The following ANO4 variants were observed in gnomAD, a reference collection of about 807,000 sequenced individuals.
ANO4 encodes the protein anoctamin-4.
ANO4 carries 69 observed loss-of-function variants against 141.9 expected under a neutral mutation model. The observed-to-expected ratio is 0.49, with a 90% confidence interval of 0.40 to 0.59. The LOEUF is 0.59. Among genes scored for constraint, ANO4 ranks in the 20% least tolerant of loss-of-function variants. ANO4 has a pLI of 0.00. For synonymous variants in ANO4, 350 were observed against 394.3 expected, an observed-to-expected ratio of 0.89 and a Z score of 1.33; for missense variants, 894 against 1,162.2, an observed-to-expected ratio of 0.77 and a Z score of 3.36.
chr12:100,750,856 G>T (rs569634797), intron 3 of ANO4, among the ~76,000 whole-genome samples: 2 of 152,256 alleles, frequency 1.3e-5, no homozygotes, highest in Non-Finnish European at 2.9e-5. Flanking sequence ...CTTAGTTCTG[G>T]TTCTCTGGGA....
chr12:100,740,386 G>A (rs1258498032), intron 3 of ANO4, among the ~76,000 whole-genome samples: 1 of 151,938 alleles, frequency 6.6e-6, no homozygotes, highest in African/African-American at 2.4e-5. Flanking sequence ...AGCTCTCACT[G>A]GCCTTTAATA....
At chr12:100,749,700 A>C (rs2032282254) in intron 3 of ANO4, among the ~76,000 whole-genome samples, 2 of 152,258 alleles carry the variant, frequency 1.3e-5, no homozygotes, top group African/African-American at 4.8e-5. Context: ...AACTTGAATT[A>C]AAGCTGTGTT....
Position 101,083,801 on chromosome 12 carries a change from T to G in ANO4, c.1519T>G (p.Ser507Ala). 1 of 1,567,150 alleles carries G rather than the reference T, an allele frequency of 6.4e-7. No individual in the cohort carries two copies. ...DKCSRLIVSA[S>A]GIFFMICVVI... ...ATGCAGCAGACTTATCGTTTCTGCA[T>G]CTGGAATATTTTTTATGGTTTGAAA... is the stretch of plus-strand genomic sequence containing the variant. Residue 507 changes from serine (S) to alanine (A), a missense_variant, in exon 16 of 28, where the codon TCT (serine) becomes GCT (alanine). By Grantham distance (99) the Ser-to-Ala change is moderately conservative (BLOSUM62 1). This residue lies in a region of ANO4 where 637 missense variants were observed against 909.2 expected (regional missense o/e 0.70). Transcript: ENST00000392977.
At chr12:101,127,403 C>T (rs527644740) in intron 27 of ANO4, among the ~76,000 whole-genome samples, 6 of 152,152 alleles carry the variant, frequency 3.9e-5, no homozygotes, top group Admixed American at 6.5e-5. Context: ...TTTAATATCC[C>T]CAGGGAAACA....
intron 1 of ANO4, among the ~76,000 whole-genome samples, chr12:100,877,126 A>C (rs1428459761): frequency 1.3e-5 from 2 of 152,088 alleles, no homozygotes; most frequent in East Asian, 1.9e-4. Flanking sequence ...AGGGTAGGGG[A>C]CGGATAAAGG....
chr12:100,970,663 C>CGCCTGCCTGCCT (rs372004015), intron 5 of ANO4, among the ~76,000 whole-genome samples: 4 of 91,752 alleles, frequency 4.4e-5, no homozygotes, highest in South Asian at 8.8e-4. Context: ...CTCCCTCCCT[C>CGCCTGCCTGCCT]TCCTTCCTTC....
chr12:100,843,226 A>G (rs955382945), intron 1 of ANO4, among the ~76,000 whole-genome samples: 2 of 152,192 alleles, frequency 1.3e-5, no homozygotes, highest in African/African-American at 4.8e-5. Context: ...GTATATTTTT[A>G]GTCCTCAATA....
At chr12:100,719,461 G>T (rs531801096) in intron 1 of ANO4, among the ~76,000 whole-genome samples, 6 of 152,234 alleles carry the variant, frequency 3.9e-5, no homozygotes, top group African/African-American at 1.2e-4. Context: ...GGAACCCTCC[G>T]CAAATCTTCT....
rs140958297 is a variant in ANO4, at chr12:100,976,848, A to G, written c.602+1959A>G. ...CTTTGAGGGCTAAGTGGAAATATCA[A>G]GTTTGTACATGATACTGTTTCAGTA... On this transcript the variant is annotated intron_variant, in intron 7 of 27. Transcript: ENST00000392977. Among the ~76,000 whole-genome samples, 10 of 152,338 alleles carry G rather than the reference A, an allele frequency of 6.6e-5. No individual in the cohort carries two copies. In the East Asian group the frequency reaches 1.9e-3, roughly 29 times the overall value.
intron 26 of ANO4, among the ~76,000 whole-genome samples, chr12:101,122,042 C>T (rs1168727435): frequency 3.9e-5 from 6 of 152,126 alleles, no homozygotes; most frequent in Admixed American, 3.9e-4. Context: ...CAGGCGTGAG[C>T]CACTGCACTT....
chr12:100,786,666 G>T (rs1401935953), intron 3 of ANO4, among the ~76,000 whole-genome samples: 3 of 152,134 alleles, frequency 2.0e-5, no homozygotes, highest in Non-Finnish European at 4.4e-5. Context: ...AGTGTGTTTG[G>T]AATGCTTTAC....
intron 1 of ANO4, among the ~76,000 whole-genome samples, chr12:100,806,633 C>T (rs1208451053): frequency 1.4e-5 from 2 of 143,030 alleles, no homozygotes; most frequent in African/African-American, 2.6e-5. Flanking sequence ...CAACCTCCGC[C>T]TCCTGGGTTC....
intron 1 of ANO4, among the ~76,000 whole-genome samples, chr12:100,806,139 G>A (rs2035010627): frequency 2.0e-5 from 3 of 152,202 alleles, no homozygotes; most frequent in Admixed American, 2.0e-4. Flanking sequence ...ACAGGGGCAG[G>A]TGGCTAAGGA....
At chr12:100,925,841 A>G (rs1456851088) in intron 3 of ANO4, among the ~76,000 whole-genome samples, 1 of 133,294 alleles carries the variant, frequency 7.5e-6, no homozygotes, top group Non-Finnish European at 1.7e-5. Flanking sequence ...ATACATACAT[A>G]TATATACACA....
intron 16 of ANO4, among the ~76,000 whole-genome samples, chr12:101,085,978 T>C (rs2049476708): frequency 6.6e-6 from 1 of 152,050 alleles, no homozygotes; most frequent in South Asian, 2.1e-4. Context: ...GGCTACCACA[T>C]GACAACACGA....
At chr12:101,055,810 G>T (rs1217564435) in intron 14 of ANO4, among the ~76,000 whole-genome samples, 5 of 152,018 alleles carry the variant, frequency 3.3e-5, no homozygotes, top group Admixed American at 2.0e-4. Flanking sequence ...ATATGTTTAG[G>T]TTTATGACTT....
Position 101,051,789 on chromosome 12 carries a change from A to G in ANO4, c.1312+3388A>G, listed in dbSNP as rs534415881. Among the ~76,000 whole-genome samples, 133 of 152,382 alleles carry G rather than the reference A, an allele frequency of 8.7e-4. 1 individual carries two copies. Among genetic ancestry groups the G allele is most frequent in the Non-Finnish European group, 1.7e-3 (115 of 68,042 alleles). On this transcript the variant is annotated intron_variant, in intron 14 of 27. Coordinates refer to ENST00000392977, the MANE Select transcript of ANO4 (RefSeq NM_001286615.2). ...GTGTGAGCTCCTCTGCTCTACTGCT[A>G]GAATCAGGTATTGTTTGTTACCATT...
chr12:100,882,780 C>A (rs956975917), intron 1 of ANO4, among the ~76,000 whole-genome samples: 1 of 152,058 alleles, frequency 6.6e-6, no homozygotes, highest in African/African-American at 2.4e-5. Context: ...CTCTCTGCAA[C>A]CTCTGCCTCC....
At chr12:101,019,718 A>G (rs1448271662) in intron 8 of ANO4, among the ~76,000 whole-genome samples, 1 of 152,208 alleles carries the variant, frequency 6.6e-6, no homozygotes. Flanking sequence ...TTTTAGTTGA[A>G]TTAATATAAT....
Sources: allele counts gnomAD v4.1 joint callset (sites outside exome capture counted in the v4.1 genomes callset), GRCh38; gene constraint gnomAD v4.1.1; regional missense constraint gnomAD v4.1.1; transcripts MANE v1.5; gene names NCBI Gene and HGNC (gene_info 2026-07-23, HGNC 2026-07-21).